MYH11: variants seen among roughly 807,000 people sequenced by gnomAD.
MYH11 encodes myosin-11.
Under a neutral mutation model 246.6 loss-of-function variants are expected in MYH11, and 80 were observed. That is an observed-to-expected ratio of 0.32 (90% CI 0.27 to 0.39). The LOEUF (loss-of-function observed/expected upper bound fraction) is 0.39, where lower values mean the gene tolerates loss of function less well. Among genes scored for constraint, MYH11 ranks in the 10% least tolerant of loss-of-function variants. The pLI is 1.00. For missense variants in MYH11, 2,158 were observed against 2,546.8 expected (o/e 0.85, Z 3.29); for synonymous variants, 1,071 against 1,015.5 (o/e 1.05, Z -1.04).
At chr16:15,823,000 G>A (rs763673453) in intron 3 of MYH11, among the ~76,000 whole-genome samples, 10 of 152,274 alleles carry the variant, frequency 6.6e-5, no homozygotes, top group African/African-American at 9.6e-5. Flanking sequence ...CTGGCCCGAC[G>A]GGGACCTTGG....
intron 1 of MYH11, among the ~76,000 whole-genome samples, chr16:15,840,695 G>A (rs1445285118): frequency 6.6e-6 from 1 of 152,140 alleles, no homozygotes; most frequent in African/African-American, 2.4e-5. Flanking sequence ...TCATGCCACT[G>A]CACTCCAGCC....
chr16:15,813,646 C>A (rs377658407), intron 3 of MYH11, among the ~76,000 whole-genome samples: 20 of 152,184 alleles, frequency 1.3e-4, no homozygotes, highest in African/African-American at 4.6e-4. Flanking sequence ...GCATTTAGCT[C>A]TCTTCCTTCC....
intron 38 of MYH11, among the ~76,000 whole-genome samples, chr16:15,716,350 G>A (rs2040136011): frequency 6.6e-6 from 1 of 152,126 alleles, no homozygotes; most frequent in African/African-American, 2.4e-5. Context: ...GTGCATTGCA[G>A]GGCGTGCGAA....
rs2043942187 is a variant in MYH11, at chr16:15,837,890, G to T, written c.345+18C>A. On this transcript the variant is annotated intron_variant, in intron 2 of 40. Coordinates refer to ENST00000300036, the MANE Select transcript of MYH11 (RefSeq NM_002474.3). ...TTATGAGGCCAGGAGTAGGTACCTG[G>T]CTGCCTGCAATACTCACATATATTA... 1.2e-6 allele frequency: 2 copies of T among 1,605,748 alleles called. No homozygotes were observed. The highest frequency in any genetic ancestry group is 1.7e-6 in the Non-Finnish European group (2 of 1,172,356).
chr16:15,735,240 A>C, intron 26 of MYH11, 126 bp downstream of exon 26: 20 of 1,049,656 alleles, frequency 1.9e-5, no homozygotes, highest in Non-Finnish European at 2.6e-5. Context: ...AGTTAAAGCA[A>C]ACCGCGGCCA....
At chr16:15,827,809 T>A (rs7196644) in intron 2 of MYH11, among the ~76,000 whole-genome samples, 1 of 152,186 alleles carries the variant, frequency 6.6e-6, no homozygotes, top group Admixed American at 6.5e-5. Flanking sequence ...AGGTACTCAG[T>A]GGACTACACT....
intron 26 of MYH11, among the ~76,000 whole-genome samples, chr16:15,734,405 T>A (rs2041055750): frequency 6.6e-6 from 1 of 152,166 alleles, no homozygotes. Context: ...TTCAAGTGAC[T>A]CTACTGCCTC....
At chr16:15,803,114 G>A (rs1232195984) in intron 3 of MYH11, among the ~76,000 whole-genome samples, 1 of 151,578 alleles carries the variant, frequency 6.6e-6, no homozygotes, top group Non-Finnish European at 1.5e-5. Context: ...TCCAGCCTGG[G>A]CAACAGAGCA....
chr16:15,725,665 T>C (rs2040718331), intron 28 of MYH11: 1 of 399,158 alleles, frequency 2.5e-6, no homozygotes, highest in African/African-American at 2.1e-5. Context: ...CTCAACTGCA[T>C]GTGAGAAAAA....
At chr16:15,771,754 T>C (rs1480682851) in intron 8 of MYH11, 42 bp from the exon 9 acceptor site, 2 of 1,612,166 alleles carry the variant, frequency 1.2e-6, no homozygotes, top group Non-Finnish European at 1.7e-6. Context: ...TAAGACATAC[T>C]TCTAATTTCA....
intron 3 of MYH11, among the ~76,000 whole-genome samples, chr16:15,817,895 C>T (rs1224240206): frequency 2.0e-5 from 3 of 152,184 alleles, no homozygotes; most frequent in African/African-American, 7.2e-5. Flanking sequence ...AAAGCCCCAC[C>T]TCTCTCAAAT....
chr16:15,801,197 C>T (rs962688254), intron 3 of MYH11, among the ~76,000 whole-genome samples: 1 of 152,242 alleles, frequency 6.6e-6, no homozygotes, highest in South Asian at 2.1e-4. Context: ...CAGAGCAAGA[C>T]TCTGTTTCAA....
intron 5 of MYH11, chr16:15,783,253 T>G (rs1395198981): frequency 6.6e-6 from 1 of 152,318 alleles, no homozygotes; most frequent in South Asian, 2.1e-4. Context: ...ACATGGCGGC[T>G]GCAGTTGGGC....
chr16:15,849,473 G>T (rs1425911736), intron 1 of MYH11, among the ~76,000 whole-genome samples: 1 of 152,020 alleles, frequency 6.6e-6, no homozygotes, highest in Admixed American at 6.6e-5. Context: ...ACAGGGTCTG[G>T]CTCTGTTGCC....
chr16:15,728,098 G>C (rs753443117), intron 27 of MYH11, among the ~76,000 whole-genome samples: 1 of 151,974 alleles, frequency 6.6e-6, no homozygotes, highest in Non-Finnish European at 1.5e-5. Flanking sequence ...GCATGGTGGC[G>C]CACGCCTGTA....
intron 40 of MYH11, among the ~76,000 whole-genome samples, chr16:15,708,534 C>T (rs940342468): frequency 6.6e-6 from 1 of 152,210 alleles, no homozygotes; most frequent in African/African-American, 2.4e-5. Flanking sequence ...CGTCAAGATG[C>T]AGTGATAAGG....
At chr16:15,814,553 C>CAAAAAAAAAAAAAAAA (rs58806731) in intron 3 of MYH11, among the ~76,000 whole-genome samples, 5 of 22,826 alleles carry the variant, frequency 2.2e-4, no homozygotes, top group Non-Finnish European at 3.5e-4. Context: ...AACTCCATCT[C>CAAAAAAAAAAAAAAAA]AAAAAAAAAA....
intron 3 of MYH11, among the ~76,000 whole-genome samples, chr16:15,803,843 C>A (rs781132952): frequency 6.6e-6 from 1 of 152,154 alleles, no homozygotes; most frequent in Non-Finnish European, 1.5e-5. Context: ...GCTGCCAGCG[C>A]GGCTCCGAGC....
intron 3 of MYH11, among the ~76,000 whole-genome samples, chr16:15,821,981 A>C (rs979645584): frequency 6.6e-6 from 1 of 151,728 alleles, no homozygotes; most frequent in Admixed American, 6.6e-5. Context: ...ACAACCTGAG[A>C]TTACAGCTCC....
Sources: gnomAD v4.1 joint callset for allele counts (sites outside exome capture counted in the v4.1 genomes callset) on GRCh38, gnomAD v4.1.1 for gene constraint, MANE v1.5 for transcripts, NCBI Gene and HGNC (gene_info 2026-07-23, HGNC 2026-07-21) for gene names.